CCDC192: variants seen among roughly 807,000 people sequenced by gnomAD.
CCDC192 encodes the protein coiled-coil domain containing 192.
chr5:127,930,159 T>C (rs1561556074), intron 6 of CCDC192, among the ~76,000 whole-genome samples: 2 of 152,190 alleles, frequency 1.3e-5, no homozygotes, highest in Non-Finnish European at 2.9e-5. Flanking sequence ...GCCGAGATTG[T>C]GCCACTTGCA....
At chr5:127,792,211 G>A (rs1378594424) in intron 3 of CCDC192, among the ~76,000 whole-genome samples, 2 of 152,110 alleles carry the variant, frequency 1.3e-5, no homozygotes, top group African/African-American at 4.8e-5. Flanking sequence ...AAAGGAAAGA[G>A]GTTTCATTGA....
At chr5:127,753,286 G>A (rs1481559582) in intron 2 of CCDC192, among the ~76,000 whole-genome samples, 2 of 152,100 alleles carry the variant, frequency 1.3e-5, no homozygotes, top group Non-Finnish European at 2.9e-5. Flanking sequence ...TAATTATTAA[G>A]TATCACAATA....
At chr5:127,888,277 A>G (rs994742921) in intron 6 of CCDC192, among the ~76,000 whole-genome samples, 1 of 151,838 alleles carries the variant, frequency 6.6e-6, no homozygotes, top group Non-Finnish European at 1.5e-5. Context: ...TTAGCCAGTC[A>G]TGGTGGTTGG....
intron 2 of CCDC192, among the ~76,000 whole-genome samples, chr5:127,710,725 A>G (rs1751276198): frequency 6.6e-6 from 1 of 152,190 alleles, no homozygotes; most frequent in South Asian, 2.1e-4. Context: ...CATCATTGTT[A>G]TATTGATAAT....
chr5:127,826,629 T>G (rs952188438), intron 5 of CCDC192, among the ~76,000 whole-genome samples: 2 of 143,818 alleles, frequency 1.4e-5, no homozygotes, highest in Non-Finnish European at 3.0e-5. Flanking sequence ...CACTTTGAAG[T>G]GGAGGCTACT....
chr5:127,766,298 T>C (rs1376818729), intron 3 of CCDC192, among the ~76,000 whole-genome samples: 1 of 151,998 alleles, frequency 6.6e-6, no homozygotes, highest in Non-Finnish European at 1.5e-5. Context: ...AGGCATTTGC[T>C]GAGAATGACT....
intron 5 of CCDC192, chr5:127,857,798 G>A (rs1457918261): frequency 6.6e-6 from 1 of 152,152 alleles, no homozygotes; most frequent in African/African-American, 2.4e-5. Context: ...GAAATCTTCA[G>A]TCTTTGCTTC....
At chr5:127,849,809 C>A (rs1055914706) in intron 5 of CCDC192, among the ~76,000 whole-genome samples, 5 of 152,182 alleles carry the variant, frequency 3.3e-5, no homozygotes, top group African/African-American at 1.2e-4. Flanking sequence ...AGCTCAGGAT[C>A]CAGCCTGAGA....
intron 4 of CCDC192, among the ~76,000 whole-genome samples, chr5:127,797,827 G>A (rs1162543589): frequency 6.9e-6 from 1 of 145,056 alleles, no homozygotes; most frequent in African/African-American, 2.6e-5. Context: ...ATGATATAGG[G>A]GCATTTGCAT....
intron 6 of CCDC192, among the ~76,000 whole-genome samples, chr5:127,939,711 G>A (rs76208429): frequency 0.017 from 2,500 of 149,714 alleles, 82 homozygotes; most frequent in African/African-American, 0.057. Flanking sequence ...TTGCCTGCGC[G>A]CACTACTACA....
At position 127,770,360 on chromosome 5, in the gene CCDC192, A is replaced by AT. The variant is rs142544126; in HGVS notation, c.222+15986dup. Reference sequence around the variant, plus strand: ...ATACCTGAAACTGGAATTTAGTACAATCCCCCCAAAGGAATTCTCTGTACC... The same window carrying AT: ...ATACCTGAAACTGGAATTTAGTACAATTCCCCCCAAAGGAATTCTCTGTACC... On this transcript the variant is annotated intron_variant, in intron 3 of 6. Coordinates refer to ENST00000514853, the MANE Select transcript of CCDC192 (RefSeq NM_001317938.2). 6.9e-3 allele frequency among the ~76,000 whole-genome samples: 1,046 copies of AT among 152,350 alleles called. 13 individuals carry two copies. Among genetic ancestry groups the AT allele is most frequent in the African/African-American group, 0.024 (1,002 of 41,594 alleles).
At chr5:127,900,688 T>G (rs1400928595) in intron 6 of CCDC192, among the ~76,000 whole-genome samples, 2 of 152,162 alleles carry the variant, frequency 1.3e-5, no homozygotes, top group Non-Finnish European at 2.9e-5. Context: ...CAAATGCACC[T>G]CTAATTAAAT....
intron 6 of CCDC192, among the ~76,000 whole-genome samples, chr5:127,918,288 C>T (rs780706050): frequency 1.3e-5 from 2 of 150,318 alleles, no homozygotes; most frequent in Non-Finnish European, 2.9e-5. Context: ...AGATATGCCC[C>T]TGTCTTTCAA....
chr5:127,730,113 A>G (rs752928138), intron 2 of CCDC192, among the ~76,000 whole-genome samples: 13 of 152,180 alleles, frequency 8.5e-5, no homozygotes, highest in African/African-American at 2.9e-4. Context: ...AATAAAATCA[A>G]TAGACCAAAA....
At chr5:127,719,442 CAT>C (rs1751833325) in intron 2 of CCDC192, among the ~76,000 whole-genome samples, 2 of 124,582 alleles carry the variant, frequency 1.6e-5, no homozygotes, top group South Asian at 2.5e-4. Context: ...CACACACATA[CAT>C]ATATATACAT....
At chr5:127,711,142 A>T (rs916333071) in intron 2 of CCDC192, among the ~76,000 whole-genome samples, 3 of 152,220 alleles carry the variant, frequency 2.0e-5, no homozygotes, top group Admixed American at 2.0e-4. Context: ...ACATAGAAAT[A>T]AGCAATGTAA....
At chr5:127,702,425 G>A (rs1750745274), upstream of CCDC192, among the ~76,000 whole-genome samples, 1 of 152,196 alleles carries the variant, frequency 6.6e-6, no homozygotes, top group Non-Finnish European at 1.5e-5. Context: ...CCGCTCAATA[G>A]TTCTTAATTT....
In CCDC192 at chr5:127,746,698, G is replaced by A. The variant is rs576529342; in HGVS notation, c.115-7570G>A. Among the ~76,000 whole-genome samples, 6 of 150,670 alleles carry A rather than the reference G, an allele frequency of 4.0e-5. No homozygotes were observed. The South Asian group carries it at 1.0e-3, about 26-fold the overall frequency. ...CCGAGGACAATTGGTTCACTTCCTA[G>A]TATCACCATTCCAGCCTAAGATATT... On this transcript the variant is annotated intron_variant, in intron 2 of 6. Coordinates refer to ENST00000514853, the MANE Select transcript of CCDC192 (RefSeq NM_001317938.2).
chr5:127,714,593 C>T (rs1305667456), intron 2 of CCDC192, among the ~76,000 whole-genome samples: 1 of 152,146 alleles, frequency 6.6e-6, no homozygotes, highest in Non-Finnish European at 1.5e-5. Flanking sequence ...AGAGTTTCAA[C>T]TCCTGACCTC....
Sources: gnomAD v4.1 joint callset for allele counts (sites outside exome capture counted in the v4.1 genomes callset) on GRCh38, gnomAD v4.1.1 for gene constraint, MANE v1.5 for transcripts, NCBI Gene and HGNC (gene_info 2026-07-23, HGNC 2026-07-21) for gene names.